The following EPB42 variants were observed in gnomAD, a reference collection of about 807,000 sequenced individuals.
EPB42 encodes erythrocyte membrane protein band 4.2.
Under a neutral mutation model 76.9 loss-of-function variants are expected in EPB42, and 49 were observed. The observed-to-expected ratio is 0.64, with a 90% CI of 0.51 to 0.81. EPB42 has a LOEUF of 0.81. EPB42 is among the 30% of genes least tolerant of loss of function. The pLI, the probability that EPB42 is intolerant of heterozygous loss-of-function variation, is 0.00. For missense variants in EPB42, 731 were observed against 867.6 expected, an observed-to-expected ratio of 0.84 and a Z score of 1.98; for synonymous variants, 310 against 338.4, an observed-to-expected ratio of 0.92 and a Z score of 0.92.
rs912432297 is a variant in EPB42 at position 43,207,095 on chromosome 15, C to T, written c.1318+104G>A. 2.8e-5 allele frequency: 43 copies of T among 1,541,574 alleles called. No individual in the cohort carries two copies. The African/African-American group carries it at 3.4e-4, about 12-fold the overall frequency. The stretch of plus-strand genomic sequence containing the variant: ...TTGAGAAACCCTGTTTTATATGATG[C>T]GGAAAGGACAAGTCTCTTTCTGGCT... On this transcript the variant is annotated intron_variant, in intron 9 of 12. Transcript: ENST00000441366.
At position 43,211,531 on chromosome 15, in the gene EPB42, T is replaced by A. The variant is rs764241220; in HGVS notation, c.434A>T (p.Asp145Val). The change falls in exon 4 of 13, where the codon GAT becomes GTT. Residue 145 changes from aspartate to valine, a missense_variant. Physicochemically the swap from Asp to Val is radical, Grantham distance 152 (BLOSUM62 -3). Coordinates refer to ENST00000441366, the MANE Select transcript of EPB42 (RefSeq NM_001114134.2). Reference sequence around the variant, plus strand: ...AGCCTCATTCTTCAGGAACACAGCATCCTCTGGTGAGAGGTGGGTAGGGAT... The same window carrying A: ...AGCCTCATTCTTCAGGAACACAGCAACCTCTGGTGAGAGGTGGGTAGGGAT... ...TLLFNPWNRE[D>V]AVFLKNEAQR... 3.1e-6 allele frequency: 5 copies of A among 1,610,524 alleles called. No homozygotes were observed. The highest frequency in any genetic ancestry group is 1.7e-5 in the Admixed American group (1 of 60,026).
At position 43,197,273 on chromosome 15, in the gene EPB42, G is replaced by C; in HGVS notation, c.*29C>G. The C allele has an allele frequency of 6.2e-7, 1 of 1,614,012 alleles. No individual in the cohort carries two copies. Among genetic ancestry groups the C allele is most frequent in the Non-Finnish European group, 8.5e-7 (1 of 1,179,894 alleles). ...TGGTTTAGATTGTAGAACAAGGGTT[G>C]GCAGGAGAGTGGTGATAGAGCTGGA... is the stretch of plus-strand genomic sequence containing the variant. On this transcript the variant is annotated 3_prime_UTR_variant, in exon 13 of 13. Transcript: ENST00000441366.
At chr15:43,214,786 C>A (rs1254188743) in intron 3 of EPB42, among the ~76,000 whole-genome samples, 1 of 152,150 alleles carries the variant, frequency 6.6e-6, no homozygotes, top group African/African-American at 2.4e-5. Flanking sequence ...TTCCCAGGGT[C>A]ATCTCAGTGA....
intron 3 of EPB42, among the ~76,000 whole-genome samples, chr15:43,214,031 C>T (rs1157864370): frequency 6.6e-6 from 1 of 152,218 alleles, no homozygotes; most frequent in African/African-American, 2.4e-5. Flanking sequence ...TGCCTTGCCA[C>T]GGGGCCTCCT....
At chr15:43,205,443 A>G (rs2042188342) in intron 10 of EPB42, among the ~76,000 whole-genome samples, 1 of 152,138 alleles carries the variant, frequency 6.6e-6, no homozygotes. Flanking sequence ...TGTGTCACCC[A>G]GGCTGGAGTG....
Position 43,206,281 on chromosome 15 carries a change from ATG to A in EPB42, c.1618+47_1618+48del, listed in dbSNP as rs147713872. On this transcript the variant is annotated intron_variant, in intron 10 of 12. Coordinates refer to ENST00000441366, the MANE Select transcript of EPB42 (RefSeq NM_001114134.2). This position sits in a 1 kb window ranked among gnomAD's most constrained non-coding sequence, Gnocchi z 4.7. ...CTGCTGCCTGCCCAAGGCAGGGGCCATGTGTGTGTGTGTGTCGGGGGGTGTCT... is the reference window on the plus strand; with the variant it reads ...CTGCTGCCTGCCCAAGGCAGGGGCCATGTGTGTGTGTGTCGGGGGGTGTCT... 3,349 of 1,413,696 alleles carry A rather than the reference ATG, an allele frequency of 2.4e-3. No individual in the cohort carries two copies. The highest frequency in any genetic ancestry group is 5.6e-3 in the Admixed American group (278 of 49,644). 87.6% of individuals were successfully genotyped at this position (1,413,696 alleles called of 1,614,324 possible). A position where few individuals can be genotyped will look rare whatever the true frequency, so the allele number is the denominator to read the frequency against.
Position 43,206,056 on chromosome 15 carries a change from A to C in EPB42, c.1618+274T>G. On this transcript the variant is annotated intron_variant, in intron 10 of 12. Coordinates refer to ENST00000441366, the MANE Select transcript of EPB42 (RefSeq NM_001114134.2). The surrounding 1 kb of genome is among the most constrained non-coding windows in gnomAD (Gnocchi z 4.7). Reference sequence around the variant, plus strand: ...GCCTGGGGGGAGGTGCTCTCCTGCCACTGTACTCTGTTAAACTCAGCAAAC... The same window carrying C: ...GCCTGGGGGGAGGTGCTCTCCTGCCCCTGTACTCTGTTAAACTCAGCAAAC... 2.6e-6 allele frequency: 1 copy of C among 388,310 alleles called. No individual in the cohort carries two copies. 24.1% of individuals were successfully genotyped at this position (388,310 alleles called of 1,614,324 possible). A position where few individuals can be genotyped will look rare whatever the true frequency, so the allele number is the denominator to read the frequency against.
intron 10 of EPB42, among the ~76,000 whole-genome samples, chr15:43,204,927 C>T (rs1345322547): frequency 6.6e-6 from 1 of 151,230 alleles, no homozygotes; most frequent in African/African-American, 2.4e-5. Flanking sequence ...TGATCGGAGT[C>T]TCTGAACCTA....
intron 2 of EPB42, 42 bp downstream of exon 2, chr15:43,216,226 C>T (rs2042376643): frequency 6.2e-7 from 1 of 1,608,984 alleles, no homozygotes; most frequent in South Asian, 1.1e-5. Flanking sequence ...CAGAGAACCC[C>T]CCAGGCCTGC....
rs1221418555 is a variant in EPB42, at chr15:43,203,271, C to T, written c.1623G>A (p.Lys541=). 6.2e-7 allele frequency: 1 copy of T among 1,614,156 alleles called. No individual in the cohort carries two copies. The highest frequency in any genetic ancestry group is 8.5e-7 in the Non-Finnish European group (1 of 1,180,024). The change falls in exon 11 of 13, where the codon AAG becomes AAA. Residue 541 remains lysine (K), a synonymous_variant. Coordinates refer to ENST00000441366, the MANE Select transcript of EPB42 (RefSeq NM_001114134.2). ...LHLTLSANLE[K]IITIGLFFSN... ...AGAAGAACAGGCCGATGGTTATTAT[C>T]TTTTCTGAAACACATGACAGGTGGA... is the stretch of plus-strand genomic sequence containing the variant.
In EPB42 at chr15:43,208,766, C is replaced by T; in HGVS notation, c.842G>A (p.Cys281Tyr). 6.2e-7 allele frequency: 1 copy of T among 1,614,090 alleles called. No individual in the cohort carries two copies. Among genetic ancestry groups the T allele is most frequent in the South Asian group, 1.1e-5 (1 of 91,078 alleles). The change falls in exon 7 of 13, where the codon TGC becomes TAC. Residue 281 changes from cysteine (C) to tyrosine (Y), a missense_variant. Coordinates refer to ENST00000441366, the MANE Select transcript of EPB42 (RefSeq NM_001114134.2). ...LAAVACTVLR[C>Y]LGIPARVVTT... is the part of the protein sequence containing the mutation. ...CACCACGCGGGCAGGGATTCCCAGG[C>T]ATCGCAGCACTGTGAGAAGAGGGGC...
chr15:43,208,341 C>T lies in EPB42; in HGVS notation c.972-8G>A, dbSNP rs755973160. On this transcript the variant is annotated splice_polypyrimidine_tract_variant and splice_region_variant and intron_variant, in intron 7 of 12. Coordinates refer to ENST00000441366, the MANE Select transcript of EPB42 (RefSeq NM_001114134.2). ...GTGGAAGTCTGGAAGATCCTGAATG[C>T]AGCAAAGAGAAAAATTCAAGTGGGA... 6.2e-6 allele frequency: 10 copies of T among 1,613,472 alleles called. No individual in the cohort carries two copies. The South Asian group carries it at 9.9e-5, about 16-fold the overall frequency.
chr15:43,204,929 C>G (rs1255006525), intron 10 of EPB42, among the ~76,000 whole-genome samples: 1 of 150,874 alleles, frequency 6.6e-6, no homozygotes, highest in Non-Finnish European at 1.5e-5. Flanking sequence ...ATCGGAGTCT[C>G]TGAACCTACT....
chr15:43,204,771 A>G (rs951686338), intron 10 of EPB42, among the ~76,000 whole-genome samples: 9 of 152,114 alleles, frequency 5.9e-5, no homozygotes, highest in Middle Eastern at 3.2e-3. Context: ...CTCATCTTCA[A>G]TCCAGTGGTT....
In EPB42 at chr15:43,209,327, C is replaced by A. The variant is rs2042255729; in HGVS notation, c.779G>T (p.Gly260Val). 2.5e-6 allele frequency: 4 copies of A among 1,614,138 alleles called. No individual in the cohort carries two copies. In the South Asian group the frequency reaches 3.3e-5, roughly 13 times the overall value. ...GGCCTGGCCATCATACACAGGTCGGCCTCGGCCGGTGAGCCACTGCCGCAG... is the reference window on the plus strand; with the variant it reads ...GGCCTGGCCATCATACACAGGTCGGACTCGGCCGGTGAGCCACTGCCGCAG... The part of the protein sequence containing the change: ...PILRQWLTGR[G>V]RPVYDGQAWV... Residue 260 changes from glycine (G) to valine (V), a missense_variant, in exon 6 of 13, where the codon GGC (glycine) becomes GTC (valine). By Grantham distance (109) the Gly-to-Val change is moderately radical. Transcript: ENST00000441366.
chr15:43,199,937 CAGTCATGTGGAACTATA>C (rs1348248831), intron 12 of EPB42, among the ~76,000 whole-genome samples: 1 of 152,200 alleles, frequency 6.6e-6, no homozygotes, highest in East Asian at 1.9e-4. Flanking sequence ...GAGGCCTCCC[CAGTCATGTGGAACTATA>C]AGTCCCATTA....
intron 10 of EPB42, among the ~76,000 whole-genome samples, chr15:43,203,750 C>T (rs1439816522): frequency 1.3e-5 from 2 of 152,106 alleles, no homozygotes; most frequent in East Asian, 3.9e-4. Context: ...CATCCTGACC[C>T]CATCACACTA....
chr15:43,207,564 G>C, intron 8 of EPB42, 123 bp from the exon 9 acceptor site: 2 of 1,468,014 alleles, frequency 1.4e-6, no homozygotes, highest in Non-Finnish European at 1.9e-6. Flanking sequence ...AAGGTCAGAG[G>C]TGAGCACTAG....
chr15:43,224,490 C>A (rs981604885), upstream of EPB42, among the ~76,000 whole-genome samples: 1 of 151,800 alleles, frequency 6.6e-6, no homozygotes, highest in Non-Finnish European at 1.5e-5. Context: ...TCTTAATAAA[C>A]TTGCTCTCAC....
Sources: gnomAD v4.1 joint callset for allele counts (sites outside exome capture counted in the v4.1 genomes callset) on GRCh38, gnomAD v4.1.1 for gene constraint, Gnocchi (gnomAD v3.1) non-coding constraint, MANE v1.5 for transcripts, NCBI Gene and HGNC (gene_info 2026-07-23, HGNC 2026-07-21) for gene names.